DDX25: variants seen among roughly 807,000 people sequenced by gnomAD.
The protein encoded by DDX25 is DEAD-box helicase 25.
DDX25 carries 70 observed loss-of-function variants against 64.6 expected under a neutral mutation model. That is an observed-to-expected ratio of 1.08 (90% CI 0.89 to 1.32). DDX25 has a LOEUF of 1.32. DDX25 is among the 40% of genes most tolerant of loss of function. The probability of loss-of-function intolerance (pLI) is 0.00; values close to 1 mark genes in which losing one functional copy is unlikely to be tolerated. For missense variants in DDX25, 587 were observed against 604.4 expected, an observed-to-expected ratio of 0.97 and a Z score of 0.30; for synonymous variants, 211 against 213.3, an observed-to-expected ratio of 0.99 and a Z score of 0.09.
intron 8 of DDX25, among the ~76,000 whole-genome samples, chr11:125,915,811 G>A (rs987135353): frequency 3.9e-5 from 6 of 152,156 alleles, no homozygotes; most frequent in African/African-American, 4.8e-5. Flanking sequence ...AGTTAGCTGC[G>A]TTTTCATCAA....
chr11:125,923,135 G>T lies in DDX25; in HGVS notation c.*254G>T. The T allele has an allele frequency of 2.3e-6, 1 of 439,786 alleles. No individual in the cohort carries two copies. The highest frequency in any genetic ancestry group is 4.1e-6 in the Non-Finnish European group (1 of 244,934). The allele number at this position is 439,786 out of a possible 1,614,324, so 27.2% of individuals were successfully genotyped here. Reference sequence around the variant, plus strand: ...ATCTTTGTACAGGTAATGTCTCAATGTGGGCTATGGGGGTGTTTTTGGATT... The same window carrying T: ...ATCTTTGTACAGGTAATGTCTCAATTTGGGCTATGGGGGTGTTTTTGGATT... On this transcript the variant is annotated 3_prime_UTR_variant, in exon 12 of 12. Transcript: ENST00000263576.
chr11:125,908,069 T>C, intron 4 of DDX25, 127 bp from the exon 5 acceptor site: 1 of 714,350 alleles, frequency 1.4e-6, no homozygotes, highest in Non-Finnish European at 2.3e-6. Context: ...GAATGATCTA[T>C]CTCCAAATAC....
intron 8 of DDX25, among the ~76,000 whole-genome samples, chr11:125,913,441 G>GCC (rs1287877255): frequency 2.0e-5 from 3 of 152,000 alleles, no homozygotes; most frequent in African/African-American, 7.3e-5. Context: ...CTGTAAATTT[G>GCC]ATCTTTTGAC....
rs1224280416 is a variant in DDX25, at chr11:125,917,161, C to T, written c.948C>T (p.Tyr316=). 14 of 1,611,322 alleles carry T rather than the reference C, an allele frequency of 8.7e-6. No homozygotes were observed. The highest frequency in any genetic ancestry group is 3.4e-5 in the Admixed American group (2 of 59,652). ...CACTGAACAACATCCGGCAATATTACGTGCTGTGTGAGCACAGGAAAGACA... is the reference window on the plus strand; with the variant it reads ...CACTGAACAACATCCGGCAATATTATGTGCTGTGTGAGCACAGGAAAGACA... The part of the protein sequence containing the change: ...ELTLNNIRQY[Y]VLCEHRKDKY... Residue 316 remains tyrosine, a synonymous_variant, in exon 9 of 12, where the codon TAC becomes TAT. Transcript: ENST00000263576.
Position 125,906,192 on chromosome 11 carries a change from A to G in DDX25, c.294A>G (p.Thr98=), listed in dbSNP as rs748348365. Residue 98 remains threonine (T), a synonymous_variant, in exon 4 of 12, where the codon ACA becomes ACG. Transcript: ENST00000263576. ...DPSSPLYSVK[T]FEELRLKEEL... ...GCTCTCCACTTTACTCAGTAAAGAC[A>G]TTTGAAGAGCTGCGGCTGTGAGTAT... is the stretch of plus-strand genomic sequence containing the variant. 21 of 1,541,636 alleles carry G rather than the reference A, an allele frequency of 1.4e-5. No homozygotes were observed. The African/African-American group carries it at 2.6e-4, about 19-fold the overall frequency.
chr11:125,908,258 A>T lies in DDX25; in HGVS notation c.374A>T (p.Glu125Val). 1 of 1,613,784 alleles carries T rather than the reference A, an allele frequency of 6.2e-7. No homozygotes were observed. The highest frequency in any genetic ancestry group is 8.5e-7 in the Non-Finnish European group (1 of 1,179,756). The change falls in exon 5 of 12, where the codon GAG (glutamate) becomes GTG (valine). Residue 125 changes from glutamate (E) to valine (V), a missense_variant. By Grantham distance (121) the Glu-to-Val change is moderately radical (BLOSUM62 -2). Transcript: ENST00000263576. ...MGFNRPSKIQ[E>V]MALPMMLAHP... is the part of the protein sequence containing the mutation. ...TTTAATAGGCCATCTAAAATCCAAG[A>T]GATGGCTCTCCCTATGATGCTGGCA...
At chr11:125,909,583 T>C (rs914597968) in intron 6 of DDX25, among the ~76,000 whole-genome samples, 20 of 151,836 alleles carry the variant, frequency 1.3e-4, no homozygotes, top group African/African-American at 4.8e-4. Context: ...TATCATATTA[T>C]GTATTGTAAA....
Position 125,921,285 on chromosome 11 carries a change from A to G in DDX25, c.1296A>G (p.Ile432Met). The G allele has an allele frequency of 6.2e-7, 1 of 1,613,674 alleles. No homozygotes were observed. Among genetic ancestry groups the G allele is most frequent in the Non-Finnish European group, 8.5e-7 (1 of 1,179,790 alleles). ...ACTATGAGACCTACCTCCACCGCAT[A>G]GGGCGGACGGGGCGCTTTGGGAAAA... ...EPDYETYLHR[I>M]GRTGRFGKKG... Residue 432 changes from isoleucine to methionine, a missense_variant, in exon 11 of 12, where the codon ATA (isoleucine) becomes ATG (methionine). By Grantham distance (10) the Ile-to-Met change is conservative. Coordinates refer to ENST00000263576, the MANE Select transcript of DDX25 (RefSeq NM_013264.5). This position sits in a 1 kb window ranked among gnomAD's most constrained non-coding sequence, Gnocchi z 4.1.
At position 125,917,033 on chromosome 11, in the gene DDX25, C is replaced by G; in HGVS notation, c.820C>G (p.Gln274Glu). The G allele has an allele frequency of 6.2e-7, 1 of 1,600,478 alleles. No homozygotes were observed. The highest frequency in any genetic ancestry group is 1.3e-5 in the African/African-American group (1 of 74,912). Residue 274 changes from glutamine to glutamate, a missense_variant, in exon 9 of 12, where the codon CAA becomes GAA. By Grantham distance (29) the Gln-to-Glu change is conservative. Coordinates refer to ENST00000263576, the MANE Select transcript of DDX25 (RefSeq NM_013264.5). ...RIQRALPSECQMLLFSATFED... is the reference protein window; with the variant it reads ...RIQRALPSECEMLLFSATFED... ...TCACAGAGCTCTACCCTCCGAATGC[C>G]AAATGCTCCTCTTTTCAGCAACCTT... is the stretch of plus-strand genomic sequence containing the variant.
intron 9 of DDX25, among the ~76,000 whole-genome samples, chr11:125,918,318 T>C (rs950103300): frequency 6.6e-6 from 1 of 152,248 alleles, no homozygotes; most frequent in Admixed American, 6.5e-5. Context: ...AGAGTGTCTG[T>C]TGTTGCCATT....
At chr11:125,907,844 T>C (rs1005559888) in intron 4 of DDX25, among the ~76,000 whole-genome samples, 2 of 152,228 alleles carry the variant, frequency 1.3e-5, no homozygotes, top group African/African-American at 2.4e-5. Context: ...AAACAGTAAA[T>C]GTCACTTAGT....
intron 8 of DDX25, among the ~76,000 whole-genome samples, chr11:125,915,140 A>G (rs770631494): frequency 1.3e-5 from 2 of 152,198 alleles, no homozygotes; most frequent in Non-Finnish European, 2.9e-5. Context: ...AGTCTCTTTT[A>G]TTTTATACTC....
Position 125,911,040 on chromosome 11 carries a change from A to G in DDX25, c.623-271A>G, listed in dbSNP as rs78007154. On this transcript the variant is annotated intron_variant, in intron 7 of 11. Transcript: ENST00000263576. ...GTTTGTTCCTTTGACTAGCTGCCCA[A>G]TATTTCATGATTTATTTAATGTAAC... Among the ~76,000 whole-genome samples, 312 of 152,170 alleles carry G rather than the reference A, an allele frequency of 2.1e-3. 9 individuals carry two copies. The East Asian group carries it at 0.05, about 24-fold the overall frequency.
rs1034923360 is a variant in DDX25 at position 125,928,193 on chromosome 11, G to C, written c.*5312G>C. On this transcript the variant is annotated 3_prime_UTR_variant, in exon 12 of 12. Coordinates refer to ENST00000263576, the MANE Select transcript of DDX25 (RefSeq NM_013264.5). Reference sequence around the variant, plus strand: ...AATGACTTTATCATAAAAATTATCAGCTTGATATAGTCCTGTTCTTAATAT... The same window carrying C: ...AATGACTTTATCATAAAAATTATCACCTTGATATAGTCCTGTTCTTAATAT... The C allele has an allele frequency of 6.6e-6, 1 of 152,160 alleles. No homozygotes were observed. The highest frequency in any genetic ancestry group is 6.5e-5 in the Admixed American group (1 of 15,284). The allele number at this position is 152,160 out of a possible 1,614,324, so 9.4% of individuals were successfully genotyped here. A position where few individuals can be genotyped will look rare whatever the true frequency, so the allele number is the denominator to read the frequency against.
Position 125,923,323 on chromosome 11 carries a change from C to T in DDX25, c.*442C>T, listed in dbSNP as rs550064615. 16 of 155,568 alleles carry T rather than the reference C, an allele frequency of 1.0e-4. No homozygotes were observed. The highest frequency in any genetic ancestry group is 2.0e-4 in the South Asian group (1 of 4,886). 9.6% of individuals were successfully genotyped at this position (155,568 alleles called of 1,614,324 possible). ...CTTTCCAGCCATTTATGCCTTTCCC[C>T]GCTCCCCGCCTTAAACTCCCCCATG... On this transcript the variant is annotated 3_prime_UTR_variant, in exon 12 of 12. Transcript: ENST00000263576.
rs753704484 is a variant in DDX25 at position 125,921,298 on chromosome 11, C to A, written c.1309C>A (p.Arg437Ser). The A allele has an allele frequency of 6.2e-7, 1 of 1,613,566 alleles. No homozygotes were observed. The change falls in exon 11 of 12, where the codon CGC becomes AGC. Residue 437 changes from arginine to serine, a missense_variant. By Grantham distance (110) the Arg-to-Ser change is moderately radical. Coordinates refer to ENST00000263576, the MANE Select transcript of DDX25 (RefSeq NM_013264.5). The surrounding 1 kb of genome is among the most constrained non-coding windows in gnomAD (Gnocchi z 4.1). ...TYLHRIGRTG[R>S]FGKKGLAFNM... ...CCTCCACCGCATAGGGCGGACGGGG[C>A]GCTTTGGGAAAAAAGGCCTTGCCTT...
At chr11:125,909,651 CT>C (rs1288646992) in intron 6 of DDX25, among the ~76,000 whole-genome samples, 4,139 of 139,722 alleles carry the variant, frequency 0.03, 61 homozygotes, top group Middle Eastern at 0.045. Context: ...AATAGGCAGT[CT>C]TTTTTTTTTT....
chr11:125,903,481 T>A (rs1030308674), upstream of DDX25: 1 of 152,490 alleles, frequency 6.6e-6, no homozygotes, highest in Non-Finnish European at 1.5e-5. Context: ...AGATTGAAGA[T>A]CTTGGCTCGA....
rs1191720552 is a variant in DDX25, at chr11:125,917,237, A to G, written c.1024A>G (p.Ile342Val). The change falls in exon 9 of 12, where the codon ATC (isoleucine) becomes GTC (valine). Residue 342 changes from isoleucine to valine, a missense_variant. Ile to Val is a conservative substitution (Grantham distance 29). Transcript: ENST00000263576. ...TGGCAGCATCACCATTGGTCAGGCCATCATCTTCTGCCAGGTACACTCTGT... is the reference window on the plus strand; with the variant it reads ...TGGCAGCATCACCATTGGTCAGGCCGTCATCTTCTGCCAGGTACACTCTGT... The part of the protein sequence containing the change: ...IYGSITIGQA[I>V]IFCQTRRNAK... 1.2e-6 allele frequency: 2 copies of G among 1,605,042 alleles called. No homozygotes were observed. The highest frequency in any genetic ancestry group is 3.3e-4 in the Middle Eastern group (2 of 6,060).
Sources: gnomAD v4.1 joint callset for allele counts (sites outside exome capture counted in the v4.1 genomes callset) on GRCh38, gnomAD v4.1.1 for gene constraint, Gnocchi (gnomAD v3.1) non-coding constraint, MANE v1.5 for transcripts, NCBI Gene and HGNC (gene_info 2026-07-23, HGNC 2026-07-21) for gene names.